Variants in CCSER1 observed in about 807,000 individuals in gnomAD.
CCSER1 encodes coiled-coil serine rich protein 1.
A neutral mutation model predicts 82.0 loss-of-function variants in CCSER1; 41 were observed. The observed-to-expected ratio is 0.50, with a 90% CI of 0.39 to 0.65. The LOEUF (loss-of-function observed/expected upper bound fraction) is 0.65, where lower values mean the gene tolerates loss of function less well. Among genes scored for constraint, CCSER1 ranks in the 30% least tolerant of loss-of-function variants. The pLI is 0.00. For missense variants in CCSER1, 1,119 were observed against 1,064.2 expected (o/e 1.05, Z -0.72); for synonymous variants, 414 against 383.9 (o/e 1.08, Z -0.92).
intron 7 of CCSER1, among the ~76,000 whole-genome samples, chr4:90,771,385 A>C (rs1285528242): frequency 1.3e-5 from 2 of 151,784 alleles, no homozygotes; most frequent in Non-Finnish European, 2.9e-5. Context: ...AAAATTCAGA[A>C]ATAGATGTTC....
chr4:91,271,112 A>G (rs550318629), intron 10 of CCSER1, among the ~76,000 whole-genome samples: 35 of 146,310 alleles, frequency 2.4e-4, no homozygotes, highest in African/African-American at 9.2e-4. Flanking sequence ...TAAGTAATAG[A>G]TAGATTTTTT....
intron 1 of CCSER1, among the ~76,000 whole-genome samples, chr4:90,248,378 A>G (rs549260183): frequency 1.3e-5 from 2 of 152,210 alleles, no homozygotes; most frequent in Non-Finnish European, 2.9e-5. Context: ...TCTTAATGTC[A>G]CTTGACTGTA....
intron 6 of CCSER1, among the ~76,000 whole-genome samples, chr4:90,672,176 A>G (rs1185313607): frequency 1.3e-5 from 2 of 152,028 alleles, no homozygotes; most frequent in Non-Finnish European, 2.9e-5. Context: ...CAGCTGTGTT[A>G]GCCTCCAAGA....
At chr4:90,881,753 C>T (rs745904873) in intron 8 of CCSER1, among the ~76,000 whole-genome samples, 1 of 152,042 alleles carries the variant, frequency 6.6e-6, no homozygotes, top group Admixed American at 6.6e-5. Context: ...TTACTGCACT[C>T]CAAGCTGGGT....
At chr4:90,564,811 T>C (rs1779180451) in intron 5 of CCSER1, among the ~76,000 whole-genome samples, 1 of 152,152 alleles carries the variant, frequency 6.6e-6, no homozygotes, top group Admixed American at 6.5e-5. Context: ...CTGGCTCCTT[T>C]GTTGAAAATC....
chr4:91,305,387 T>C (rs1171684904), intron 10 of CCSER1, among the ~76,000 whole-genome samples: 3 of 152,082 alleles, frequency 2.0e-5, no homozygotes, highest in Non-Finnish European at 4.4e-5. Flanking sequence ...TTATTTGCAA[T>C]TGTAAGGTGC....
chr4:91,310,081 T>C (rs1280894700), intron 10 of CCSER1, among the ~76,000 whole-genome samples: 2 of 151,918 alleles, frequency 1.3e-5, no homozygotes, highest in African/African-American at 4.8e-5. Context: ...TCTCCAAATT[T>C]ACCTTTTTAA....
intron 5 of CCSER1, among the ~76,000 whole-genome samples, chr4:90,591,386 A>C (rs140748053): frequency 6.6e-6 from 1 of 152,148 alleles, no homozygotes; most frequent in East Asian, 1.9e-4. Context: ...ATATGAACAG[A>C]CACTTCTCAA....
intron 9 of CCSER1, among the ~76,000 whole-genome samples, chr4:91,033,670 G>A (rs1417090959): frequency 6.6e-6 from 1 of 152,146 alleles, no homozygotes; most frequent in African/African-American, 2.4e-5. Context: ...AACAGGCTAA[G>A]CATCTAGCAG....
At chr4:90,410,851 G>T (rs1014050486) in intron 4 of CCSER1, among the ~76,000 whole-genome samples, 1 of 152,030 alleles carries the variant, frequency 6.6e-6, no homozygotes, top group Admixed American at 6.6e-5. Flanking sequence ...TTTTTCGAAA[G>T]GATCAACAAA....
At chr4:91,555,363 C>T (rs922684284) in intron 10 of CCSER1, among the ~76,000 whole-genome samples, 2 of 150,958 alleles carry the variant, frequency 1.3e-5, no homozygotes, top group African/African-American at 4.9e-5. Flanking sequence ...TTATTTTCTT[C>T]CATTATATAT....
At chr4:90,238,912 A>G (rs1746315323) in intron 1 of CCSER1, among the ~76,000 whole-genome samples, 1 of 151,740 alleles carries the variant, frequency 6.6e-6, no homozygotes, top group Non-Finnish European at 1.5e-5. Flanking sequence ...GTGCAATGGC[A>G]TGATCTCGGC....
chr4:90,454,912 C>T lies in CCSER1; in HGVS notation c.1604-13322C>T, dbSNP rs527919475. Among the ~76,000 whole-genome samples the T allele has an allele frequency of 5.3e-5, 8 of 152,308 alleles. No homozygotes were observed. The South Asian group carries it at 1.2e-3, about 24-fold the overall frequency. On this transcript the variant is annotated intron_variant, in intron 4 of 10. Transcript: ENST00000509176. ...CCTTAATGAGACTATATTTGCCAGC[C>T]TGTTGTAGGGGCAAAAGTGCCTAAA... is the stretch of plus-strand genomic sequence containing the variant.
At chr4:90,293,936 A>G (rs537187691) in intron 1 of CCSER1, among the ~76,000 whole-genome samples, 2 of 152,084 alleles carry the variant, frequency 1.3e-5, no homozygotes, top group African/African-American at 2.4e-5. Flanking sequence ...ACAAAAATCT[A>G]TTGTGGTTTA....
chr4:90,615,005 A>G (rs1196157409), intron 5 of CCSER1, among the ~76,000 whole-genome samples: 1 of 152,144 alleles, frequency 6.6e-6, no homozygotes, highest in Non-Finnish European at 1.5e-5. Context: ...GCCAAGTTTT[A>G]TTTCCCATTC....
chr4:91,284,105 G>A (rs1027083778), intron 10 of CCSER1, among the ~76,000 whole-genome samples: 1 of 152,190 alleles, frequency 6.6e-6, no homozygotes, highest in Non-Finnish European at 1.5e-5. Flanking sequence ...AAAGTCTGGG[G>A]CAAAGAAAGA....
At position 90,778,353 on chromosome 4, in the gene CCSER1, A is replaced by G. The variant is rs997367970; in HGVS notation, c.2011-37409A>G. On this transcript the variant is annotated intron_variant, in intron 7 of 10. Coordinates refer to ENST00000509176, the MANE Select transcript of CCSER1 (RefSeq NM_001145065.2). Reference sequence around the variant, plus strand: ...GAAAGAAATGGAATTCAAGCATTCAAAAAATTTACTGGAGAAGATTAATTT... The same window carrying G: ...GAAAGAAATGGAATTCAAGCATTCAGAAAATTTACTGGAGAAGATTAATTT... 6.6e-5 allele frequency among the ~76,000 whole-genome samples: 10 copies of G among 152,282 alleles called. No homozygotes were observed. The South Asian group carries it at 1.7e-3, about 25-fold the overall frequency.
chr4:91,157,885 G>C (rs958919963), intron 10 of CCSER1, among the ~76,000 whole-genome samples: 1 of 152,000 alleles, frequency 6.6e-6, no homozygotes, highest in African/African-American at 2.4e-5. Context: ...AGGCAAAGGA[G>C]ATCTCCTAAA....
At chr4:90,733,901 G>A (rs980618835) in intron 7 of CCSER1, among the ~76,000 whole-genome samples, 1 of 151,942 alleles carries the variant, frequency 6.6e-6, no homozygotes, top group African/African-American at 2.4e-5. Context: ...TTTTATGCTA[G>A]TACCCTGCTG....
Sources: gnomAD v4.1 joint callset for allele counts (sites outside exome capture counted in the v4.1 genomes callset) on GRCh38, gnomAD v4.1.1 for gene constraint, MANE v1.5 for transcripts, NCBI Gene and HGNC (gene_info 2026-07-23, HGNC 2026-07-21) for gene names.